KCNIP4: variants seen among roughly 807,000 people sequenced by gnomAD.
The protein encoded by KCNIP4 is potassium voltage-gated channel interacting protein 4.
A neutral mutation model predicts 34.0 loss-of-function variants in KCNIP4; 12 were observed. The ratio of observed to expected loss-of-function variants is 0.35; its 90% CI spans 0.23 to 0.57. The LOEUF (loss-of-function observed/expected upper bound fraction) is 0.57. Ranked by LOEUF, KCNIP4 falls within the 20% of genes least tolerant of loss-of-function variation. KCNIP4 has a pLI of 0.83. For synonymous variants in KCNIP4, 124 were observed against 102.2 expected, an observed-to-expected ratio of 1.21 and a Z score of -1.29; for missense variants, 238 against 311.7, an observed-to-expected ratio of 0.76 and a Z score of 1.78.
intron 1 of KCNIP4, among the ~76,000 whole-genome samples, chr4:21,366,766 T>C (rs1044346941): frequency 1.3e-5 from 2 of 150,470 alleles, no homozygotes; most frequent in Non-Finnish European, 3.0e-5. Context: ...CAGAGAGAAA[T>C]AGAGAAACAG....
chr4:20,782,647 C>T (rs1261247258), intron 3 of KCNIP4, among the ~76,000 whole-genome samples: 1 of 152,168 alleles, frequency 6.6e-6, no homozygotes, highest in Non-Finnish European at 1.5e-5. Context: ...AGACTACACA[C>T]AGCATGGGGA....
At chr4:20,935,196 A>T (rs1730936132) in intron 1 of KCNIP4, among the ~76,000 whole-genome samples, 1 of 152,206 alleles carries the variant, frequency 6.6e-6, no homozygotes, top group South Asian at 2.1e-4. Flanking sequence ...ATGAACATAC[A>T]TTTTTGAGAT....
At chr4:20,963,459 G>A (rs1393292450) in intron 1 of KCNIP4, among the ~76,000 whole-genome samples, 1 of 151,650 alleles carries the variant, frequency 6.6e-6, no homozygotes, top group Non-Finnish European at 1.5e-5. Context: ...AACTCAGGGA[G>A]TCATGTAACT....
intron 4 of KCNIP4, among the ~76,000 whole-genome samples, chr4:20,750,024 G>A (rs1418328614): frequency 6.6e-6 from 1 of 152,178 alleles, no homozygotes; most frequent in African/African-American, 2.4e-5. Flanking sequence ...TGGTCCCATA[G>A]GTGGATGTGA....
chr4:21,285,342 C>T (rs1298440438), intron 1 of KCNIP4, among the ~76,000 whole-genome samples: 1 of 152,104 alleles, frequency 6.6e-6, no homozygotes, highest in Non-Finnish European at 1.5e-5. Context: ...TGCTCAGAAC[C>T]TCAGTTTGAA....
chr4:21,331,135 C>A (rs1280301358), intron 1 of KCNIP4, among the ~76,000 whole-genome samples: 1 of 152,074 alleles, frequency 6.6e-6, no homozygotes, highest in Non-Finnish European at 1.5e-5. Context: ...CTATTCTCAA[C>A]TTTGACTATT....
chr4:21,400,509 C>G (rs1577304222), intron 1 of KCNIP4, among the ~76,000 whole-genome samples: 2 of 104,462 alleles, frequency 1.9e-5, no homozygotes, highest in African/African-American at 1.2e-4. Context: ...CTTCCCCTCC[C>G]TTCCTCTTCT....
intron 1 of KCNIP4, among the ~76,000 whole-genome samples, chr4:21,424,300 T>C (rs1262656304): frequency 6.6e-6 from 1 of 151,602 alleles, no homozygotes; most frequent in East Asian, 2.0e-4. Context: ...TGGCTGGGCA[T>C]GGTGGCTCAT....
Position 21,028,175 on chromosome 4 carries a change from C to G in KCNIP4, c.62-145466G>C, listed in dbSNP as rs80322654. 3.8e-3 allele frequency among the ~76,000 whole-genome samples: 580 copies of G among 152,216 alleles called. 1 individual carries two copies. Among genetic ancestry groups the G allele is most frequent in the Middle Eastern group, 0.014 (4 of 292 alleles). ...AACCTCACCATCTCTCCCCTCCCCC[C>G]CAATTGTCACTGTCCTGATCAGAGA... is the stretch of plus-strand genomic sequence containing the variant. On this transcript the variant is annotated intron_variant, in intron 1 of 8. Transcript: ENST00000382152.
intron 3 of KCNIP4, among the ~76,000 whole-genome samples, chr4:20,809,137 C>T (rs1715425264): frequency 6.6e-6 from 1 of 152,166 alleles, no homozygotes; most frequent in Non-Finnish European, 1.5e-5. Context: ...GTGACAAACT[C>T]ATGCTCATTT....
chr4:21,136,569 T>G (rs56052027), intron 1 of KCNIP4, among the ~76,000 whole-genome samples: 14,453 of 152,198 alleles, frequency 0.095, 831 homozygotes, highest in East Asian at 0.19. Flanking sequence ...AGATGTTTCC[T>G]GTCCTTTCCT....
chr4:21,501,203 A>T (rs1250896360), intron 1 of KCNIP4, among the ~76,000 whole-genome samples: 3 of 151,318 alleles, frequency 2.0e-5, no homozygotes, highest in African/African-American at 7.3e-5. Context: ...CTAAAAAAAA[A>T]TTTAGTTTAT....
chr4:21,826,336 T>G (rs1722675061), intron 1 of KCNIP4, among the ~76,000 whole-genome samples: 1 of 152,198 alleles, frequency 6.6e-6, no homozygotes, highest in Non-Finnish European at 1.5e-5. Context: ...CTAAACTGAC[T>G]ACTAAATGAG....
In KCNIP4 at chr4:21,257,210, A is replaced by G. The variant is rs533723672; in HGVS notation, c.62-374501T>C. On this transcript the variant is annotated intron_variant, in intron 1 of 8. Coordinates refer to ENST00000382152, the MANE Select transcript of KCNIP4 (RefSeq NM_025221.6). ...GGCACAAGTTTGTGAATAAAAAGCA[A>G]GAGTTCCACTTTTGGCATGTTCGAT... is the stretch of plus-strand genomic sequence containing the variant. Among the ~76,000 whole-genome samples, 13 of 152,308 alleles carry G rather than the reference A, an allele frequency of 8.5e-5. No individual in the cohort carries two copies. In the East Asian group the frequency reaches 2.3e-3, roughly 27 times the overall value.
At chr4:20,738,721 G>T (rs1750304166) in intron 5 of KCNIP4, among the ~76,000 whole-genome samples, 1 of 152,178 alleles carries the variant, frequency 6.6e-6, no homozygotes, top group African/African-American at 2.4e-5. Context: ...GAGGTACCAG[G>T]TTCATCTAAA....
chr4:21,596,275 T>C (rs1742636010), intron 1 of KCNIP4, among the ~76,000 whole-genome samples: 2 of 152,282 alleles, frequency 1.3e-5, no homozygotes, highest in Middle Eastern at 3.4e-3. Flanking sequence ...TGAATTCTAA[T>C]GGGCAAATAT....
In KCNIP4 at chr4:20,881,663, A is replaced by G. The variant is rs554791702; in HGVS notation, c.163+945T>C. On this transcript the variant is annotated intron_variant, in intron 2 of 8. Transcript: ENST00000382152. Reference sequence around the variant, plus strand: ...TCTTTAAGAATGCCACAAAATAGAGAAAAAGAAGATGGAGAATGTGATGGT... The same window carrying G: ...TCTTTAAGAATGCCACAAAATAGAGGAAAAGAAGATGGAGAATGTGATGGT... Among the ~76,000 whole-genome samples the G allele has an allele frequency of 2.2e-4, 33 of 152,322 alleles. No individual in the cohort carries two copies. In the South Asian group the frequency reaches 6.6e-3, roughly 31 times the overall value.
At chr4:21,684,580 G>A (rs1750664776) in intron 1 of KCNIP4, among the ~76,000 whole-genome samples, 1 of 152,070 alleles carries the variant, frequency 6.6e-6, no homozygotes, top group African/African-American at 2.4e-5. Context: ...ACATGTTATT[G>A]TAGTTTAAAA....
At chr4:21,707,573 A>G (rs1713383492) in intron 1 of KCNIP4, among the ~76,000 whole-genome samples, 1 of 152,132 alleles carries the variant, frequency 6.6e-6, no homozygotes, top group African/African-American at 2.4e-5. Context: ...GACCCCACCC[A>G]CCAAAAACTC....
Sources: gnomAD v4.1 joint callset for allele counts (sites outside exome capture counted in the v4.1 genomes callset) on GRCh38, gnomAD v4.1.1 for gene constraint, MANE v1.5 for transcripts, NCBI Gene and HGNC (gene_info 2026-07-23, HGNC 2026-07-21) for gene names.